The following EPB41L2 variants were observed in gnomAD, a reference collection of about 807,000 sequenced individuals.
The protein encoded by EPB41L2 is band 4.1-like protein 2.
In EPB41L2, 43 loss-of-function variants were observed where a neutral mutation model predicts 113.0. The observed-to-expected ratio is 0.38, with a 90% CI of 0.30 to 0.49. EPB41L2 has a LOEUF of 0.49. Ranked by LOEUF, EPB41L2 falls within the 20% of genes least tolerant of loss-of-function variation. The pLI is 0.95. For missense variants in EPB41L2, 1,147 were observed against 1,223.4 expected, an observed-to-expected ratio of 0.94 and a Z score of 0.93; for synonymous variants, 442 against 436.7, an observed-to-expected ratio of 1.01 and a Z score of -0.15.
chr6:130,860,245 A>G, intron 18 of EPB41L2, among the ~76,000 whole-genome samples: 1 of 152,228 alleles, frequency 6.6e-6, no homozygotes, highest in East Asian at 1.9e-4. Context: ...TGAGTATCTG[A>G]TCTACAAAGA....
intron 19 of EPB41L2, among the ~76,000 whole-genome samples, chr6:130,843,346 A>T (rs6919007): frequency 0.3 from 46,245 of 152,074 alleles, 8,079 homozygotes; most frequent in East Asian, 0.45. Flanking sequence ...GGACTAAATG[A>T]TTTATTACAT....
chr6:130,919,676 C>T (rs1802267831), intron 4 of EPB41L2, among the ~76,000 whole-genome samples: 1 of 152,180 alleles, frequency 6.6e-6, no homozygotes, highest in Non-Finnish European at 1.5e-5. Context: ...TTTCACAATC[C>T]TGCATCCTCT....
At chr6:130,920,490 TTC>T (rs768441490) in intron 4 of EPB41L2, among the ~76,000 whole-genome samples, 2 of 152,098 alleles carry the variant, frequency 1.3e-5, no homozygotes, top group Non-Finnish European at 2.9e-5. Flanking sequence ...ACTGTCAAAT[TTC>T]TCTTTTTTTC....
chr6:131,039,608 T>G (rs1794041427), intron 1 of EPB41L2, among the ~76,000 whole-genome samples: 1 of 152,140 alleles, frequency 6.6e-6, no homozygotes, highest in Non-Finnish European at 1.5e-5. Context: ...TGTGCCACGG[T>G]CAATGGAGAT....
chr6:130,997,875 C>T (rs1783514690), intron 1 of EPB41L2, among the ~76,000 whole-genome samples: 1 of 151,948 alleles, frequency 6.6e-6, no homozygotes, highest in Admixed American at 6.6e-5. Context: ...TATAAGAGCA[C>T]CTAATGTTTT....
intron 1 of EPB41L2, among the ~76,000 whole-genome samples, chr6:131,027,396 C>T (rs1791119367): frequency 2.2e-5 from 2 of 89,716 alleles, no homozygotes; most frequent in Non-Finnish European, 4.4e-5. Context: ...TAAAAGCTGA[C>T]AATAAGGCAA....
intron 8 of EPB41L2, among the ~76,000 whole-genome samples, chr6:130,898,005 T>G (rs1306406921): frequency 2.6e-5 from 4 of 151,210 alleles, no homozygotes; most frequent in Non-Finnish European, 5.9e-5. Context: ...CAGAAAAATC[T>G]TATAATAGTA....
Position 130,956,134 on chromosome 6 carries a change from G to T in EPB41L2, c.352C>A (p.Leu118Ile). The change falls in exon 2 of 20, where the codon CTT (leucine) becomes ATT (isoleucine). Residue 118 changes from leucine to isoleucine, a missense_variant. Coordinates refer to ENST00000337057, the MANE Select transcript of EPB41L2 (RefSeq NM_001431.4). ...TTAGCCTGTCTCTGTTCTTCTGGAA[G>T]GGGTTCCTCTTTATCTAAGACCTGT... ...EEQVLDKEEP[L>I]PEEQRQAKGD... is the part of the protein sequence containing the mutation. 1 of 1,614,102 alleles carries T rather than the reference G, an allele frequency of 6.2e-7. No individual in the cohort carries two copies. Among genetic ancestry groups the T allele is most frequent in the Non-Finnish European group, 8.5e-7 (1 of 1,180,026 alleles).
intron 1 of EPB41L2, among the ~76,000 whole-genome samples, chr6:131,033,312 T>C (rs1222176951): frequency 1.3e-5 from 2 of 151,228 alleles, no homozygotes; most frequent in African/African-American, 4.9e-5. Context: ...GGCAAGGAGG[T>C]AGAGGAAATA....
chr6:130,968,683 G>GT (rs1189449450), intron 1 of EPB41L2, among the ~76,000 whole-genome samples: 1 of 151,450 alleles, frequency 6.6e-6, no homozygotes, highest in Non-Finnish European at 1.5e-5. Context: ...GGGAAAAGCT[G>GT]TAACTACAAT....
intron 3 of EPB41L2, among the ~76,000 whole-genome samples, chr6:130,954,163 C>CTGCCTCAG (rs1433324442): frequency 1.3e-5 from 2 of 149,496 alleles, no homozygotes; most frequent in African/African-American, 4.9e-5. Flanking sequence ...CGCCATTCTC[C>CTGCCTCAG]TGCCTCAGCC....
At chr6:130,933,549 T>A (rs1419186219) in intron 3 of EPB41L2, among the ~76,000 whole-genome samples, 4 of 100,010 alleles carry the variant, frequency 4.0e-5, no homozygotes. Flanking sequence ...AGAGTTTTAG[T>A]TTTTTTAAAA....
intron 3 of EPB41L2, among the ~76,000 whole-genome samples, chr6:130,931,420 C>G (rs1806820030): frequency 6.6e-6 from 1 of 151,924 alleles, no homozygotes; most frequent in Non-Finnish European, 1.5e-5. Flanking sequence ...AAAGTCACTC[C>G]TAAGAAACCT....
chr6:131,044,539 T>C (rs1795060066), intron 1 of EPB41L2, among the ~76,000 whole-genome samples: 1 of 152,218 alleles, frequency 6.6e-6, no homozygotes, highest in Admixed American at 6.5e-5. Flanking sequence ...TCTTAAAATT[T>C]CAGCAAGTCA....
intron 12 of EPB41L2, chr6:130,881,076 A>G (rs769596278): frequency 1.3e-5 from 2 of 152,210 alleles, no homozygotes; most frequent in Non-Finnish European, 2.9e-5. Flanking sequence ...ATAGTTGGAC[A>G]TTTCTCAATA....
chr6:130,955,044 T>C (rs1003488113), intron 3 of EPB41L2, 61 bp downstream of exon 3: 12 of 1,453,786 alleles, frequency 8.3e-6, no homozygotes, highest in Admixed American at 1.8e-5. Flanking sequence ...CAAAAATCTA[T>C]TCATCATGCC....
At chr6:130,954,115 C>T (rs1189738651) in intron 3 of EPB41L2, among the ~76,000 whole-genome samples, 1 of 127,946 alleles carries the variant, frequency 7.8e-6, no homozygotes, top group African/African-American at 2.9e-5. Context: ...TGCAGTGGCG[C>T]AATCTCAGCT....
intron 3 of EPB41L2, among the ~76,000 whole-genome samples, chr6:130,930,026 A>G (rs1806263334): frequency 6.6e-6 from 1 of 152,086 alleles, no homozygotes; most frequent in East Asian, 1.9e-4. Context: ...CACTCATCCC[A>G]TGAGTTATAT....
At chr6:130,845,043 T>C (rs952688192) in intron 19 of EPB41L2, among the ~76,000 whole-genome samples, 15 of 152,252 alleles carry the variant, frequency 9.9e-5, no homozygotes, top group African/African-American at 3.4e-4. Context: ...CTGTCTCAAA[T>C]AAACAAATAA....
Sources: gnomAD v4.1 joint callset for allele counts (sites outside exome capture counted in the v4.1 genomes callset) on GRCh38, gnomAD v4.1.1 for gene constraint, MANE v1.5 for transcripts, NCBI Gene and HGNC (gene_info 2026-07-23, HGNC 2026-07-21) for gene names.